The following ALPK2 variants were observed in gnomAD, a reference collection of about 807,000 sequenced individuals.
ALPK2 encodes the protein alpha-protein kinase 2.
In ALPK2, 127 loss-of-function variants were observed where a neutral mutation model predicts 163.1. That is an observed-to-expected ratio of 0.78 (90% confidence interval 0.67 to 0.90). The LOEUF is 0.90. Among genes scored for constraint, ALPK2 ranks in the 40% least tolerant of loss-of-function variants. The pLI is 0.00. For synonymous variants in ALPK2, 953 were observed against 959.1 expected (o/e 0.99, Z 0.12); for missense variants, 2,360 against 2,589.6 (o/e 0.91, Z 1.92).
Position 58,536,161 on chromosome 18 carries a change from G to A in ALPK2, c.4026C>T (p.Ser1342=), listed in dbSNP as rs1196473006. ...ACTCCTTTTCATCTACAGGGTCCAC[G>A]GATGACTCCAGGAGTCTGGGTTGGC... ...GFSQPRLLES[S]VDPVDEKELS... Residue 1342 remains serine, a synonymous_variant, in exon 5 of 13, where the codon TCC becomes TCT. Transcript: ENST00000361673. 12 of 1,613,994 alleles carry A rather than the reference G, an allele frequency of 7.4e-6. No homozygotes were observed. Among genetic ancestry groups the A allele is most frequent in the East Asian group, 2.2e-5 (1 of 44,890 alleles).
chr18:58,578,733 G>GACACACACACACGCGCGCGCGCGC, intron 4 of ALPK2, 81 bp downstream of exon 4: 1 of 530,150 alleles, frequency 1.9e-6, no homozygotes, highest in African/African-American at 2.3e-5. Flanking sequence ...TAAAGGAAGA[G>GACACACACACACGCGCGCGCGCGC]ACACACACAC....
intron 5 of ALPK2, among the ~76,000 whole-genome samples, chr18:58,533,449 ATTTT>A (rs10578866): frequency 4.2e-5 from 6 of 141,520 alleles, no homozygotes; most frequent in East Asian, 2.1e-4. Context: ...ATTCTATTTA[ATTTT>A]TTTTTTTTTT....
intron 4 of ALPK2, among the ~76,000 whole-genome samples, chr18:58,550,489 CCCCATCTATATCATA>C (rs2051748502): frequency 0.013 from 24 of 1,840 alleles, no homozygotes; most frequent in Admixed American, 0.025. Context: ...ATGACTCTAC[CCCCATCTATATCATA>C]TACAACCCCA....
intron 4 of ALPK2, among the ~76,000 whole-genome samples, chr18:58,559,016 CA>C (rs1358892554): frequency 6.6e-6 from 1 of 152,186 alleles, no homozygotes; most frequent in East Asian, 1.9e-4. Context: ...TGGTTGGTTG[CA>C]CAATTTGTGA....
chr18:58,489,644 G>C (rs1489224712), intron 12 of ALPK2, among the ~76,000 whole-genome samples: 1 of 151,752 alleles, frequency 6.6e-6, no homozygotes, highest in East Asian at 1.9e-4. Flanking sequence ...CCATGATCAG[G>C]ACTCTACATT....
chr18:58,587,437 C>T (rs1224124825), intron 3 of ALPK2, among the ~76,000 whole-genome samples: 1 of 152,132 alleles, frequency 6.6e-6, no homozygotes, highest in African/African-American at 2.4e-5. Flanking sequence ...TGTCCCTAGA[C>T]TTGCTAAACA....
intron 4 of ALPK2, among the ~76,000 whole-genome samples, chr18:58,557,646 G>GTA (rs201043565): frequency 1.4e-5 from 2 of 145,652 alleles, no homozygotes; most frequent in Non-Finnish European, 3.0e-5. Flanking sequence ...TAGTGTGTGT[G>GTA]TATATATATA....
At chr18:58,611,084 C>T (rs931591574) in intron 2 of ALPK2, among the ~76,000 whole-genome samples, 1 of 145,008 alleles carries the variant, frequency 6.9e-6, no homozygotes, top group African/African-American at 2.6e-5. Flanking sequence ...CAGAGCAAGA[C>T]TCTGTCTCAA....
intron 10 of ALPK2, among the ~76,000 whole-genome samples, chr18:58,514,405 C>T (rs115062518): frequency 0.013 from 2,053 of 152,210 alleles, 43 homozygotes; most frequent in African/African-American, 0.046. Flanking sequence ...ATGATCTCAA[C>T]CAGACAAAAC....
intron 3 of ALPK2, among the ~76,000 whole-genome samples, chr18:58,595,221 G>A (rs542034576): frequency 6.6e-5 from 10 of 152,094 alleles, no homozygotes; most frequent in South Asian, 2.1e-4. Context: ...TCCCTCCCTC[G>A]TGCTGCTTTA....
intron 10 of ALPK2, among the ~76,000 whole-genome samples, chr18:58,513,206 G>A (rs1377808281): frequency 6.7e-6 from 1 of 149,272 alleles, no homozygotes; most frequent in African/African-American, 2.5e-5. Context: ...GTGTTTATGT[G>A]TATGGTGAGT....
intron 4 of ALPK2, among the ~76,000 whole-genome samples, chr18:58,576,926 A>T (rs2051924825): frequency 6.6e-6 from 1 of 152,232 alleles, no homozygotes; most frequent in African/African-American, 2.4e-5. Context: ...ACTTGCAGAA[A>T]ATGCAAGCCC....
rs577527368 is a variant in ALPK2 at position 58,610,143 on chromosome 18, G to A, written c.109+1546C>T. 6.5e-4 allele frequency among the ~76,000 whole-genome samples: 99 copies of A among 152,172 alleles called. 3 individuals carry two copies. In the South Asian group the frequency reaches 0.014, roughly 22 times the overall value. On this transcript the variant is annotated intron_variant, in intron 2 of 12. Coordinates refer to ENST00000361673, the MANE Select transcript of ALPK2 (RefSeq NM_052947.4). ...ACAAAAATGAGCTGGGCATGGTGGT[G>A]TGCATCTGGAATCCCAGCCACTTGG...
chr18:58,536,500 A>G lies in ALPK2; in HGVS notation c.3687T>C (p.Asn1229=), dbSNP rs1199505258. ...LEESKEYRPG[N]WEAGNKLKII... Reference sequence around the variant, plus strand: ...TCTTCAGCTTGTTGCCTGCCTCCCAATTTCCAGGTCTATATTCTTTAGACT... The same window carrying G: ...TCTTCAGCTTGTTGCCTGCCTCCCAGTTTCCAGGTCTATATTCTTTAGACT... Residue 1229 remains asparagine, a synonymous_variant, in exon 5 of 13, where the codon AAT becomes AAC. Coordinates refer to ENST00000361673, the MANE Select transcript of ALPK2 (RefSeq NM_052947.4). 6.2e-6 allele frequency: 10 copies of G among 1,613,850 alleles called. No individual in the cohort carries two copies. In the East Asian group the frequency reaches 1.1e-4, roughly 18 times the overall value.
At chr18:58,597,894 G>A (rs555813133) in intron 3 of ALPK2, among the ~76,000 whole-genome samples, 1 of 152,342 alleles carries the variant, frequency 6.6e-6, no homozygotes, top group South Asian at 2.1e-4. Flanking sequence ...CAGAGAGCTT[G>A]CACTCTCTCT....
rs1455601579 is a variant in ALPK2, at chr18:58,580,508, T to A, written c.268A>T (p.Lys90Ter). ...NDAAVYQISA[K>*]NSFGMICCSA... ...CAACAGATCATTCCAAAAGAGTTTT[T>A]AGCCGAGATTTGATAGACAGCAGCA... Residue 90 changes from lysine (K) to a stop codon, truncating the protein, a stop_gained, in exon 4 of 13, where the codon AAA becomes TAA. Coordinates refer to ENST00000361673, the MANE Select transcript of ALPK2 (RefSeq NM_052947.4). LOFTEE classifies it high-confidence loss of function. 2 of 1,614,068 alleles carry A rather than the reference T, an allele frequency of 1.2e-6. No homozygotes were observed. Among genetic ancestry groups the A allele is most frequent in the Non-Finnish European group, 1.7e-6 (2 of 1,179,964 alleles).
At position 58,481,983 on chromosome 18, in the gene ALPK2, A is replaced by C. The variant is rs1229802555; in HGVS notation, c.6353T>G (p.Leu2118Arg). ...TTTGCAATACTTGTTACACTGGTGTAGTGCTTTAAACTGATCAATGAAGGT... is the reference window on the plus strand; with the variant it reads ...TTTGCAATACTTGTTACACTGGTGTCGTGCTTTAAACTGATCAATGAAGGT... ...SMTFIDQFKA[L>R]HQCNKYCKML... The change falls in exon 13 of 13, where the codon CTA becomes CGA. Residue 2118 changes from leucine to arginine, a missense_variant. By Grantham distance (102) the Leu-to-Arg change is moderately radical. Coordinates refer to ENST00000361673, the MANE Select transcript of ALPK2 (RefSeq NM_052947.4). 1 of 1,614,212 alleles carries C rather than the reference A, an allele frequency of 6.2e-7. No individual in the cohort carries two copies. Among genetic ancestry groups the C allele is most frequent in the African/African-American group, 1.3e-5 (1 of 75,060 alleles).
intron 3 of ALPK2, among the ~76,000 whole-genome samples, chr18:58,603,560 C>T (rs1413278433): frequency 6.6e-6 from 1 of 152,192 alleles, no homozygotes; most frequent in Non-Finnish European, 1.5e-5. Flanking sequence ...TTCCACCTCC[C>T]TCCTGCTGGC....
Position 58,580,304 on chromosome 18 carries a change from G to A in ALPK2, c.472C>T (p.Pro158Ser). 6.2e-7 allele frequency: 1 copy of A among 1,614,186 alleles called. No homozygotes were observed. The highest frequency in any genetic ancestry group is 8.5e-7 in the Non-Finnish European group (1 of 1,180,032). Residue 158 changes from proline (P) to serine (S), a missense_variant, in exon 4 of 13, where the codon CCC (proline) becomes TCC (serine). Physicochemically the swap from Pro to Ser is moderately conservative, Grantham distance 74 (BLOSUM62 -1). Transcript: ENST00000361673. ...KEEESISPGT[P>S]RSADSSPSKS... ...GAGGGGGAGGAGTCAGCTGACCTGG[G>A]AGTGCCCGGGGAGATGCTTTCTTCT...
Sources: gnomAD v4.1 joint callset for allele counts (sites outside exome capture counted in the v4.1 genomes callset) on GRCh38, gnomAD v4.1.1 for gene constraint, MANE v1.5 for transcripts, NCBI Gene and HGNC (gene_info 2026-07-23, HGNC 2026-07-21) for gene names.